Variants in HHIPL1 observed in about 807,000 individuals in gnomAD.
HHIPL1 encodes the protein HHIP-like protein 1.
HHIPL1 carries 43 observed loss-of-function variants against 61.8 expected under a neutral mutation model. The ratio of observed to expected loss-of-function variants is 0.70; its 90% CI spans 0.55 to 0.90. The LOEUF (loss-of-function observed/expected upper bound fraction) is 0.90, where lower values mean the gene tolerates loss of function less well. HHIPL1 is among the 40% of genes least tolerant of loss of function. The pLI is 0.00. For synonymous variants in HHIPL1, 482 were observed against 515.8 expected, an observed-to-expected ratio of 0.93 and a Z score of 0.89; for missense variants, 1,056 against 1,157.7, an observed-to-expected ratio of 0.91 and a Z score of 1.28.
At chr14:99,672,131 C>A (rs375396390) in intron 7 of HHIPL1, among the ~76,000 whole-genome samples, 186 bp from the exon 8 acceptor site, 81 of 152,322 alleles carry the variant, frequency 5.3e-4, no homozygotes, top group African/African-American at 1.9e-3. Flanking sequence ...GGGATTTATG[C>A]CCTGGAGCTC....
At chr14:99,639,360 A>G in the HHIPL1 span, among the ~76,000 whole-genome samples, 1 of 151,968 alleles carries the variant, frequency 6.6e-6, no homozygotes, top group African/African-American at 2.4e-5. Flanking sequence ...TATTATTATT[A>G]TTTTTTTGAG....
At chr14:99,636,999 A>G in the HHIPL1 span, among the ~76,000 whole-genome samples, 8 of 101,080 alleles carry the variant, frequency 7.9e-5, no homozygotes, top group Non-Finnish European at 1.2e-4. Context: ...GAAGAAAGAA[A>G]GAAGAAAGAA....
chr14:99,606,669 A>G, the HHIPL1 span, among the ~76,000 whole-genome samples: 48 of 152,358 alleles, frequency 3.2e-4, no homozygotes, highest in East Asian at 7.3e-3. Flanking sequence ...TGCGTCATCT[A>G]CAGGCTGTGT....
At chr14:99,622,594 C>G in the HHIPL1 span, among the ~76,000 whole-genome samples, 39 of 152,298 alleles carry the variant, frequency 2.6e-4, no homozygotes, top group African/African-American at 9.1e-4. Flanking sequence ...CTGTCTGGCT[C>G]CCACCAAACC....
rs1465477009 is a variant in HHIPL1, at chr14:99,668,726, T to A, written c.1730+423T>A. On this transcript the variant is annotated intron_variant, in intron 7 of 8. Transcript: ENST00000330710. The surrounding 1 kb of genome is among the most constrained non-coding windows in gnomAD (Gnocchi z 4.7). ...CTCCCAGATGACACCCTGATCCCTG[T>A]GTGTCCCCGCCCCGTGCCTGCCCTT... 1.9e-6 allele frequency: 2 copies of A among 1,069,758 alleles called. No homozygotes were observed. The highest frequency in any genetic ancestry group is 1.3e-6 in the Non-Finnish European group (1 of 772,568). The allele number at this position is 1,069,758 out of a possible 1,614,324, so 66.3% of individuals were successfully genotyped here.
intron 6 of HHIPL1, among the ~76,000 whole-genome samples, chr14:99,667,478 T>TC (rs1293270988): frequency 1.3e-5 from 2 of 152,088 alleles, no homozygotes; most frequent in Admixed American, 1.3e-4. Context: ...GGCTCAGAAC[T>TC]CCAACGGTTA....
the HHIPL1 span, chr14:99,624,776 G>C: frequency 6.6e-6 from 1 of 152,256 alleles, no homozygotes; most frequent in Non-Finnish European, 1.5e-5. Context: ...CTACTTCAGG[G>C]AACCATACAG....
At chr14:99,617,029 C>T in the HHIPL1 span, among the ~76,000 whole-genome samples, 9 of 152,010 alleles carry the variant, frequency 5.9e-5, no homozygotes, top group Non-Finnish European at 1.2e-4. Context: ...CCTGGGGGGC[C>T]GAGAAGTGGC....
intron 8 of HHIPL1, 33 bp downstream of exon 8, chr14:99,672,432 G>A: frequency 6.6e-7 from 1 of 1,519,956 alleles, no homozygotes; most frequent in Non-Finnish European, 8.9e-7. Context: ...CTGAGGGTTG[G>A]GGGAGAGATC....
At chr14:99,611,603 T>TTTG in the HHIPL1 span, among the ~76,000 whole-genome samples, 15 of 145,724 alleles carry the variant, frequency 1.0e-4, no homozygotes, top group East Asian at 4.2e-4. Flanking sequence ...TTTTTTTTTT[T>TTTG]TTTAAAGAAA....
the HHIPL1 span, among the ~76,000 whole-genome samples, chr14:99,634,862 TTGA>T: frequency 6.6e-6 from 1 of 152,156 alleles, no homozygotes; most frequent in Non-Finnish European, 1.5e-5. Flanking sequence ...TTTCTTTTTG[TTGA>T]TGAATTGATT....
chr14:99,635,094 G>A, the HHIPL1 span, among the ~76,000 whole-genome samples: 4 of 152,146 alleles, frequency 2.6e-5, no homozygotes, highest in Non-Finnish European at 4.4e-5. Context: ...GGTTTGGGGT[G>A]GGGGCAGGGG....
the HHIPL1 span, among the ~76,000 whole-genome samples, chr14:99,630,642 G>A: frequency 2.6e-5 from 4 of 152,242 alleles, no homozygotes; most frequent in African/African-American, 7.2e-5. Context: ...GCCGAAGGCC[G>A]CTGCCAGCAC....
At chr14:99,650,525 G>A (rs1023983256) in intron 1 of HHIPL1, among the ~76,000 whole-genome samples, 1 of 152,236 alleles carries the variant, frequency 6.6e-6, no homozygotes, top group African/African-American at 2.4e-5. Flanking sequence ...CTGTGGTGTG[G>A]GGACACTTAA....
At chr14:99,637,228 GAAAGAAAGAA>G in the HHIPL1 span, among the ~76,000 whole-genome samples, 1 of 145,068 alleles carries the variant, frequency 6.9e-6, no homozygotes, top group South Asian at 2.2e-4. Flanking sequence ...AAGAAAGAAA[GAAAGAAAGAA>G]AGAAAGAAAG....
the HHIPL1 span, among the ~76,000 whole-genome samples, chr14:99,630,166 C>T: frequency 2.6e-5 from 4 of 152,212 alleles, no homozygotes; most frequent in African/African-American, 4.8e-5. Flanking sequence ...GATTCAGCCC[C>T]GGAGGAGCTC....
At chr14:99,669,228 A>C in intron 7 of HHIPL1, 1 of 1,181,526 alleles carries the variant, frequency 8.5e-7, no homozygotes, top group Non-Finnish European at 1.1e-6. Context: ...AATGGCACGG[A>C]GCAGAGACTC....
the HHIPL1 span, among the ~76,000 whole-genome samples, chr14:99,622,089 A>G: frequency 0.081 from 12,327 of 152,208 alleles, 637 homozygotes; most frequent in Non-Finnish European, 0.11. Context: ...AGTTTGTGCA[A>G]TTGACCTTTT....
rs1285799150 is a variant in HHIPL1, at chr14:99,668,790, G to A, written c.1730+487G>A. 6.2e-7 allele frequency: 1 copy of A among 1,608,368 alleles called. No homozygotes were observed. Among genetic ancestry groups the A allele is most frequent in the Non-Finnish European group, 8.5e-7 (1 of 1,179,164 alleles). ...ATCTTCCACTGGGGAAAACACATTG[G>A]GGCTCCCTTCGCCGGCTCCATCTCC... On this transcript the variant is annotated intron_variant, in intron 7 of 8. Transcript: ENST00000330710. The surrounding 1 kb of genome is among the most constrained non-coding windows in gnomAD (Gnocchi z 4.7).
Sources: allele counts gnomAD v4.1 joint callset (sites outside exome capture counted in the v4.1 genomes callset), GRCh38; gene constraint gnomAD v4.1.1; non-coding constraint Gnocchi (gnomAD v3.1); transcripts MANE v1.5; gene names NCBI Gene and HGNC (gene_info 2026-07-23, HGNC 2026-07-21).